The following HRH2 variants were observed in gnomAD, a reference collection of about 807,000 sequenced individuals.
The protein encoded by HRH2 is histamine receptor H2.
A neutral mutation model predicts 20.1 loss-of-function variants in HRH2; 4 were observed. The ratio of observed to expected loss-of-function variants is 0.20; its 90% CI spans 0.10 to 0.45. The LOEUF (loss-of-function observed/expected upper bound fraction) is 0.45. HRH2 is among the 20% of genes least tolerant of loss of function. HRH2 has a pLI of 0.99. For synonymous variants in HRH2, 197 were observed against 200.7 expected (o/e 0.98, Z 0.16); for missense variants, 250 against 461.6 (o/e 0.54, Z 4.20).
chr5:175,707,826 G>T lies in HRH2; in HGVS notation c.1124G>T (p.Cys375Phe), dbSNP rs1053699880. 1 of 399,250 alleles carries T rather than the reference G, an allele frequency of 2.5e-6. No homozygotes were observed. Among genetic ancestry groups the T allele is most frequent in the Non-Finnish European group, 4.4e-6 (1 of 226,188 alleles). 24.7% of individuals were successfully genotyped at this position (399,250 alleles called of 1,614,324 possible). A position where few individuals can be genotyped will look rare whatever the true frequency, so the allele number is the denominator to read the frequency against. Residue 375 changes from cysteine to phenylalanine, a missense_variant, in exon 3 of 3, where the codon TGC becomes TTC. Transcript: ENST00000636584. The stretch of plus-strand genomic sequence containing the variant: ...ACGTGCTCCAGCAACCTCCTGAGCT[G>T]CTGCAAGAGCCTGTGGGGGCTCAGG... Reference protein sequence around the residue: ...CTTCSSNLLSCCKSLWGLRFL... With the variant: ...CTTCSSNLLSFCKSLWGLRFL...
chr5:175,660,263 T>C (rs1457414226), intron 1 of HRH2, among the ~76,000 whole-genome samples: 1 of 152,122 alleles, frequency 6.6e-6, no homozygotes, highest in Admixed American at 6.6e-5. Context: ...CCAAAAAATG[T>C]TTTAAAGAAG....
chr5:175,699,034 G>A (rs758007269), intron 2 of HRH2, among the ~76,000 whole-genome samples: 4 of 152,178 alleles, frequency 2.6e-5, no homozygotes, highest in Non-Finnish European at 5.9e-5. Context: ...AACCCTCTGT[G>A]CTTACTTCCA....
rs1332100534 is a variant in HRH2, at chr5:175,683,798, G to C, written c.565G>C (p.Val189Leu). Residue 189 changes from valine to leucine, a missense_variant, in exon 2 of 3, where the codon GTC becomes CTC. Val to Leu is a conservative substitution (Grantham distance 32). Around this residue, in one of 5 missense-constraint regions of HRH2, gnomAD observed 58 missense variants for 166.8 expected, o/e 0.35. Transcript: ENST00000636584. ...AGTGTACGGGCTGGTGGATGGGCTG[G>C]TCACCTTCTACCTCCCGCTACTGAT... The part of the protein sequence containing the change: ...NEVYGLVDGL[V>L]TFYLPLLIMC... 3 of 1,614,140 alleles carry C rather than the reference G, an allele frequency of 1.9e-6. No homozygotes were observed. Among genetic ancestry groups the C allele is most frequent in the Non-Finnish European group, 2.5e-6 (3 of 1,180,024 alleles).
chr5:175,694,937 CG>C (rs1561737654), intron 2 of HRH2, among the ~76,000 whole-genome samples: 1 of 152,126 alleles, frequency 6.6e-6, no homozygotes, highest in African/African-American at 2.4e-5. Flanking sequence ...GAACGGCTCA[CG>C]GGGGCTCTTG....
At chr5:175,704,778 T>C (rs927644077) in intron 2 of HRH2, among the ~76,000 whole-genome samples, 1 of 152,034 alleles carries the variant, frequency 6.6e-6, no homozygotes, top group Admixed American at 6.6e-5. Flanking sequence ...TTTTGAAAAC[T>C]ACCACTTATA....
intron 2 of HRH2, among the ~76,000 whole-genome samples, chr5:175,699,142 A>G (rs1756711020): frequency 6.6e-6 from 1 of 152,152 alleles, no homozygotes; most frequent in Non-Finnish European, 1.5e-5. Context: ...TTTCATGGGC[A>G]GAGGGCTGAA....
intron 2 of HRH2, among the ~76,000 whole-genome samples, chr5:175,707,138 G>A (rs964424870): frequency 2.6e-5 from 4 of 152,194 alleles, no homozygotes; most frequent in South Asian, 2.1e-4. Context: ...TAGGAAAAGT[G>A]AGGGCTGCAA....
intron 1 of HRH2, among the ~76,000 whole-genome samples, chr5:175,673,239 G>T (rs971438493): frequency 2.0e-5 from 3 of 152,138 alleles, no homozygotes; most frequent in African/African-American, 7.2e-5. Context: ...AGATGTGTGT[G>T]TGTGCGTGTG....
chr5:175,687,534 T>C lies in HRH2; in HGVS notation c.1076+3225T>C, dbSNP rs1756214160. On this transcript the variant is annotated intron_variant, in intron 2 of 2. Transcript: ENST00000636584. This position sits in a 1 kb window ranked among gnomAD's most constrained non-coding sequence, Gnocchi z 5.2. ...TGGCCAACCAGCAGCCACCCCACAA[T>C]GTTCCTGCCCAGCCTCTATGAGTGC... is the stretch of plus-strand genomic sequence containing the variant. Among the ~76,000 whole-genome samples the C allele has an allele frequency of 6.6e-6, 1 of 152,048 alleles. No homozygotes were observed.
rs1339603216 is a variant in HRH2 at position 175,684,247 on chromosome 5, AC to A, written c.1018del (p.Leu340Ter). On this transcript the variant is annotated frameshift_variant, in exon 2 of 3. Coordinates refer to ENST00000636584, the MANE Select transcript of HRH2 (RefSeq NM_001367711.1). LOFTEE classifies it high-confidence loss of function. Reference sequence around the variant, plus strand: ...GAGAACCCAGGCAACAGGAAGAGAAACCCCTGAAGCTCCAGGTGTGGAGTGG... The same window carrying A: ...GAGAACCCAGGCAACAGGAAGAGAAACCCTGAAGCTCCAGGTGTGGAGTGG... ...SREPRQQEEK[P>X]LKLQVWSGTE... 3 of 1,614,114 alleles carry A rather than the reference AC, an allele frequency of 1.9e-6. No individual in the cohort carries two copies. The highest frequency in any genetic ancestry group is 1.3e-5 in the African/African-American group (1 of 75,020).
chr5:175,700,094 C>T (rs764599193), intron 2 of HRH2, among the ~76,000 whole-genome samples: 21 of 152,126 alleles, frequency 1.4e-4, no homozygotes, highest in Non-Finnish European at 1.9e-4. Context: ...AGACAGAACG[C>T]GGAACTCCTG....
At chr5:175,661,098 C>T (rs1165191068) in intron 1 of HRH2, among the ~76,000 whole-genome samples, 4 of 133,012 alleles carry the variant, frequency 3.0e-5, no homozygotes, top group Non-Finnish European at 6.1e-5. Flanking sequence ...ATGTTCTTGC[C>T]CACCTCCAAA....
chr5:175,680,234 A>G (rs1483284763), intron 1 of HRH2, among the ~76,000 whole-genome samples: 1 of 152,252 alleles, frequency 6.6e-6, no homozygotes, highest in Non-Finnish European at 1.5e-5. Context: ...GGGCTCCCGA[A>G]AGAATGGCTT....
intron 2 of HRH2, chr5:175,685,454 T>G (rs1458846479): frequency 6.5e-7 from 1 of 1,550,366 alleles, no homozygotes; most frequent in Admixed American, 2.0e-5. Flanking sequence ...AACTGACCCA[T>G]TCATTCATTC....
In HRH2 at chr5:175,677,340, TC is replaced by T. The variant is rs1410188225; in HGVS notation, c.-525-5368del. ...GATGGACATGTAGGTTGATTCCATA[TC>T]TTAGCTACTGTGAATAGTGCTGTGA... On this transcript the variant is annotated intron_variant, in intron 1 of 2. Transcript: ENST00000636584. This position sits in a 1 kb window ranked among gnomAD's most constrained non-coding sequence, Gnocchi z 4.2. Among the ~76,000 whole-genome samples the T allele has an allele frequency of 6.6e-6, 1 of 152,234 alleles. No homozygotes were observed. The highest frequency in any genetic ancestry group is 2.4e-5 in the African/African-American group (1 of 41,448).
intron 1 of HRH2, among the ~76,000 whole-genome samples, chr5:175,662,280 G>T (rs987723080): frequency 1.3e-5 from 2 of 152,112 alleles, no homozygotes; most frequent in Admixed American, 6.5e-5. Flanking sequence ...AGACATTTTT[G>T]CCCCTTGGAA....
At position 175,673,756 on chromosome 5, in the gene HRH2, T is replaced by G. The variant is rs1413072512; in HGVS notation, c.-525-8953T>G. 2.0e-5 allele frequency among the ~76,000 whole-genome samples: 3 copies of G among 149,360 alleles called. No individual in the cohort carries two copies. In the East Asian group the frequency reaches 5.9e-4, roughly 29 times the overall value. On this transcript the variant is annotated intron_variant, in intron 1 of 2. Transcript: ENST00000636584. The stretch of plus-strand genomic sequence containing the variant: ...TCTCGCTGTATCACCCAGGCTGGAG[T>G]GCAGTGGCGCAATCTCCGCTCAATG...
chr5:175,705,920 G>A (rs956184514), intron 2 of HRH2, among the ~76,000 whole-genome samples: 2 of 152,154 alleles, frequency 1.3e-5, no homozygotes, highest in African/African-American at 4.8e-5. Flanking sequence ...CTGAGCTCAA[G>A]TGATCGGCCT....
intron 1 of HRH2, among the ~76,000 whole-genome samples, chr5:175,660,779 G>A (rs918113702): frequency 2.0e-5 from 3 of 152,112 alleles, no homozygotes; most frequent in Non-Finnish European, 4.4e-5. Context: ...CCTCTAAAAG[G>A]GTTCAAGTAG....
Sources: gnomAD v4.1 joint callset for allele counts (sites outside exome capture counted in the v4.1 genomes callset) on GRCh38, gnomAD v4.1.1 for gene constraint, gnomAD v4.1.1 regional missense constraint, Gnocchi (gnomAD v3.1) non-coding constraint, MANE v1.5 for transcripts, NCBI Gene and HGNC (gene_info 2026-07-23, HGNC 2026-07-21) for gene names.